Variants in ANKS1B observed in about 807,000 individuals in gnomAD.
ANKS1B encodes ankyrin repeat and sterile alpha motif domain containing 1B, also known as ankyrin repeat and sterile alpha motif domain-containing protein 1B.
ANKS1B carries 36 observed loss-of-function variants against 148.3 expected under a neutral mutation model. The observed-to-expected ratio is 0.24, with a 90% CI of 0.19 to 0.32. The LOEUF (loss-of-function observed/expected upper bound fraction) is 0.32. Ranked by LOEUF, ANKS1B falls within the 10% of genes least tolerant of loss-of-function variation. ANKS1B has a pLI of 1.00. For synonymous variants in ANKS1B, 542 were observed against 560.8 expected, an observed-to-expected ratio of 0.97 and a Z score of 0.47; for missense variants, 1,157 against 1,542.6, an observed-to-expected ratio of 0.75 and a Z score of 4.19.
chr12:99,087,016 C>T (rs912290462), intron 15 of ANKS1B, among the ~76,000 whole-genome samples: 1 of 152,100 alleles, frequency 6.6e-6, no homozygotes, highest in African/African-American at 2.4e-5. Flanking sequence ...CAAAAAGAAG[C>T]AGGTGGATTT....
chr12:99,884,830 C>G (rs2115571), intron 1 of ANKS1B, among the ~76,000 whole-genome samples: 2 of 151,948 alleles, frequency 1.3e-5, no homozygotes, highest in African/African-American at 2.4e-5. Flanking sequence ...GGTGGTTACA[C>G]GATTACATAT....
At chr12:99,688,672 A>G (rs1995296) in intron 8 of ANKS1B, among the ~76,000 whole-genome samples, 41,393 of 151,910 alleles carry the variant, frequency 0.27, 6,014 homozygotes, top group Non-Finnish European at 0.3. Context: ...CTTGGTCTCT[A>G]GAAAAAAACA....
intron 12 of ANKS1B, among the ~76,000 whole-genome samples, chr12:99,285,224 CT>C (rs2078972736): frequency 1.3e-5 from 2 of 152,156 alleles, no homozygotes; most frequent in Admixed American, 1.3e-4. Context: ...ACAGTATATA[CT>C]TTTTTGTCTA....
At chr12:98,797,313 C>T (rs1263015234) in intron 22 of ANKS1B, among the ~76,000 whole-genome samples, 1 of 152,028 alleles carries the variant, frequency 6.6e-6, no homozygotes, top group Non-Finnish European at 1.5e-5. Flanking sequence ...TGGAGTCAGA[C>T]AGACCCGAAT....
At chr12:99,031,600 A>G (rs533785679) in intron 17 of ANKS1B, among the ~76,000 whole-genome samples, 2 of 152,340 alleles carry the variant, frequency 1.3e-5, no homozygotes, top group Admixed American at 6.5e-5. Flanking sequence ...ACACATCTCT[A>G]TCATTGCTCC....
intron 9 of ANKS1B, chr12:99,650,142 CTTTCCCTTAACTTTATATTT>C (rs1462229773): frequency 6.6e-6 from 1 of 152,190 alleles, no homozygotes; most frequent in African/African-American, 2.4e-5. Flanking sequence ...CTATCTTTAA[CTTTCCCTTAACTTTATATTT>C]TTTAAATAAA....
At chr12:99,106,733 T>G (rs892999058) in intron 15 of ANKS1B, among the ~76,000 whole-genome samples, 1 of 152,338 alleles carries the variant, frequency 6.6e-6, no homozygotes, top group East Asian at 1.9e-4. Flanking sequence ...TTTCATCATT[T>G]TGGAATACAC....
intron 9 of ANKS1B, among the ~76,000 whole-genome samples, chr12:99,551,536 AGGGG>A (rs2097218026): frequency 7.8e-4 from 2 of 2,580 alleles, no homozygotes; most frequent in African/African-American, 4.2e-3. Flanking sequence ...AGGAGAGGGG[AGGGG>A]AGGGGAGGGG....
At chr12:99,398,530 G>A (rs973942607) in intron 12 of ANKS1B, among the ~76,000 whole-genome samples, 3 of 152,122 alleles carry the variant, frequency 2.0e-5, no homozygotes, top group African/African-American at 7.2e-5. Flanking sequence ...TTACATGAAA[G>A]TTGACCATAT....
At chr12:99,196,590 T>G (rs1359034817) in intron 14 of ANKS1B, among the ~76,000 whole-genome samples, 1 of 151,984 alleles carries the variant, frequency 6.6e-6, no homozygotes, top group Non-Finnish European at 1.5e-5. Flanking sequence ...CTTTCTGTTT[T>G]TTTTTGTTTG....
chr12:98,926,435 G>A (rs1316286696), intron 17 of ANKS1B, among the ~76,000 whole-genome samples: 1 of 152,098 alleles, frequency 6.6e-6, no homozygotes, highest in East Asian at 1.9e-4. Context: ...ATGAATTCCA[G>A]AATTGCCACA....
chr12:99,896,456 A>G (rs1263334282), intron 1 of ANKS1B, among the ~76,000 whole-genome samples: 1 of 151,300 alleles, frequency 6.6e-6, no homozygotes, highest in African/African-American at 2.4e-5. Context: ...ATAATACTCC[A>G]TTGTGAATAG....
chr12:99,444,521 AT>A (rs549947841), intron 10 of ANKS1B, among the ~76,000 whole-genome samples: 288 of 152,006 alleles, frequency 1.9e-3, no homozygotes, highest in African/African-American at 6.7e-3. Context: ...CATGTGTAAC[AT>A]TTTTTTCTTA....
chr12:99,884,665 C>T (rs1380663861), intron 1 of ANKS1B, among the ~76,000 whole-genome samples: 1 of 151,992 alleles, frequency 6.6e-6, no homozygotes, highest in Non-Finnish European at 1.5e-5. Flanking sequence ...CCATATAATT[C>T]CATTTATATG....
chr12:99,724,671 C>A (rs1231686387), intron 8 of ANKS1B, among the ~76,000 whole-genome samples: 1 of 152,074 alleles, frequency 6.6e-6, no homozygotes, highest in Non-Finnish European at 1.5e-5. Flanking sequence ...CTAAGATACT[C>A]CATGAGACAA....
chr12:99,207,776 T>C (rs1459598685), intron 14 of ANKS1B, among the ~76,000 whole-genome samples: 2 of 152,100 alleles, frequency 1.3e-5, no homozygotes, highest in East Asian at 3.8e-4. Context: ...AGATGTGTTT[T>C]TGTTAAGGAA....
intron 17 of ANKS1B, among the ~76,000 whole-genome samples, chr12:98,923,930 A>G (rs2099804671): frequency 6.6e-6 from 1 of 152,186 alleles, no homozygotes; most frequent in Non-Finnish European, 1.5e-5. Context: ...GACACCAAAG[A>G]AGTGATTTCT....
chr12:99,058,982 C>T (rs2041375152), intron 16 of ANKS1B, among the ~76,000 whole-genome samples: 1 of 151,594 alleles, frequency 6.6e-6, no homozygotes, highest in African/African-American at 2.4e-5. Context: ...CGTGATCCGC[C>T]CGCCTCGGCC....
At chr12:99,875,951 T>C (rs1450960900) in intron 1 of ANKS1B, among the ~76,000 whole-genome samples, 1 of 152,188 alleles carries the variant, frequency 6.6e-6, no homozygotes, top group Non-Finnish European at 1.5e-5. Flanking sequence ...ATACACGGAT[T>C]TTAAGGTGTA....
Sources: gnomAD v4.1 joint callset for allele counts (sites outside exome capture counted in the v4.1 genomes callset) on GRCh38, gnomAD v4.1.1 for gene constraint, MANE v1.5 for transcripts, NCBI Gene and HGNC (gene_info 2026-07-23, HGNC 2026-07-21) for gene names.